The following HIBCH variants were observed in gnomAD, a reference collection of about 807,000 sequenced individuals.
HIBCH encodes 3-hydroxyisobutyryl-CoA hydrolase.
In HIBCH, 50 loss-of-function variants were observed where a neutral mutation model predicts 58.2. That is an observed-to-expected ratio of 0.86 (90% CI 0.68 to 1.09). The LOEUF (loss-of-function observed/expected upper bound fraction) is 1.09, where lower values mean the gene tolerates loss of function less well. Among genes scored for constraint, HIBCH ranks in the 50% least tolerant of loss-of-function variants. The probability of loss-of-function intolerance (pLI) is 0.00; values close to 1 mark genes in which losing one functional copy is unlikely to be tolerated. For missense variants in HIBCH, 450 were observed against 449.7 expected (o/e 1.00, Z -0.01); for synonymous variants, 151 against 146.9 (o/e 1.03, Z -0.20).
At chr2:190,285,804 G>A (rs1037246047) in intron 6 of HIBCH, among the ~76,000 whole-genome samples, 16 of 152,140 alleles carry the variant, frequency 1.1e-4, no homozygotes, top group East Asian at 7.7e-4. Flanking sequence ...ACAGCTGGCC[G>A]TAAAGAAGTT....
intron 6 of HIBCH, chr2:190,280,166 A>T (rs2582736): frequency 0.53 from 80,467 of 152,088 alleles, 22,194 homozygotes; most frequent in South Asian, 0.61. Context: ...GAAAGGAGTA[A>T]CAGGCCTCAA....
At chr2:190,233,065 T>G (rs566396424) in intron 11 of HIBCH, among the ~76,000 whole-genome samples, 1 of 152,186 alleles carries the variant, frequency 6.6e-6, no homozygotes, top group Admixed American at 6.5e-5. Context: ...TTGGGGACCC[T>G]TGACACAGAG....
chr2:190,218,100 A>G (rs556290119), intron 11 of HIBCH, among the ~76,000 whole-genome samples: 172 of 151,936 alleles, frequency 1.1e-3, no homozygotes, highest in Non-Finnish European at 1.8e-3. Context: ...CACCCCCCAA[A>G]CTATAAAATT....
At chr2:190,225,211 T>A (rs1371231289) in intron 11 of HIBCH, among the ~76,000 whole-genome samples, 1 of 152,040 alleles carries the variant, frequency 6.6e-6, no homozygotes, top group African/African-American at 2.4e-5. Context: ...TTAAAAGAAC[T>A]AGAGAAGCAA....
chr2:190,264,024 TG>T (rs1687164462), intron 6 of HIBCH, among the ~76,000 whole-genome samples: 1 of 152,220 alleles, frequency 6.6e-6, no homozygotes, highest in Non-Finnish European at 1.5e-5. Flanking sequence ...CCCAGGCTGG[TG>T]TATCTTGCTT....
At chr2:190,284,497 AAT>A (rs552789819) in intron 6 of HIBCH, among the ~76,000 whole-genome samples, 1 of 152,204 alleles carries the variant, frequency 6.6e-6, no homozygotes, top group Non-Finnish European at 1.5e-5. Context: ...AACTAGACCA[AAT>A]AGTTACTGAA....
At chr2:190,193,311 T>A (rs915354236) in intron 1 of HIBCH, among the ~76,000 whole-genome samples, 5 of 152,284 alleles carry the variant, frequency 3.3e-5, no homozygotes, top group Admixed American at 3.3e-4. Context: ...TCATCATGTT[T>A]TATCCATTTT....
chr2:190,252,100 T>C, intron 8 of HIBCH, 62 bp downstream of exon 8: 1 of 1,507,768 alleles, frequency 6.6e-7, no homozygotes, highest in Non-Finnish European at 9.2e-7. Context: ...CATTGTACCT[T>C]CCCATGCACT....
chr2:190,219,857 TG>T (rs2105908528), intron 11 of HIBCH, among the ~76,000 whole-genome samples: 1 of 152,258 alleles, frequency 6.6e-6, no homozygotes, highest in East Asian at 1.9e-4. Context: ...GTCCATTCTG[TG>T]GGTTTGGATG....
chr2:190,266,031 A>G (rs918825917), intron 6 of HIBCH, among the ~76,000 whole-genome samples: 3 of 151,754 alleles, frequency 2.0e-5, no homozygotes, highest in Non-Finnish European at 2.9e-5. Flanking sequence ...GTGATGTCAT[A>G]TAAGGTTACT....
At chr2:190,219,312 G>A (rs1414182839) in intron 11 of HIBCH, among the ~76,000 whole-genome samples, 1 of 152,054 alleles carries the variant, frequency 6.6e-6, no homozygotes, top group Non-Finnish European at 1.5e-5. Context: ...GAGAATTGAA[G>A]GAAATAACGT....
At chr2:190,277,795 A>AG (rs1383810813) in intron 6 of HIBCH, among the ~76,000 whole-genome samples, 20 of 152,210 alleles carry the variant, frequency 1.3e-4, no homozygotes, top group African/African-American at 4.8e-4. Flanking sequence ...GCCTTGCGGT[A>AG]GCCAATCAGG....
At position 190,241,600 on chromosome 2, in the gene HIBCH, C is replaced by A. The variant is rs201697912; in HGVS notation, c.891+3287G>T. ...TGGTATGTTTTTGCAGTGGCTGGTA[C>A]CAGTCTTTCCTTTCCATATTTAGTG... is the stretch of plus-strand genomic sequence containing the variant. On this transcript the variant is annotated intron_variant, in intron 11 of 13. Transcript: ENST00000359678. 9.2e-5 allele frequency among the ~76,000 whole-genome samples: 14 copies of A among 152,290 alleles called. No individual in the cohort carries two copies. In the East Asian group the frequency reaches 2.5e-3, roughly 27 times the overall value.
intron 6 of HIBCH, among the ~76,000 whole-genome samples, chr2:190,277,431 T>C (rs1018155578): frequency 1.3e-5 from 2 of 152,230 alleles, no homozygotes; most frequent in African/African-American, 4.8e-5. Flanking sequence ...TCTTTTGGAC[T>C]GTACAAATTC....
In HIBCH at chr2:190,236,535, AAACAAG is replaced by A. The variant is rs1559026322; in HGVS notation, c.891+8346_891+8351del. On this transcript the variant is annotated intron_variant, in intron 11 of 13. Coordinates refer to ENST00000359678, the MANE Select transcript of HIBCH (RefSeq NM_014362.4). The surrounding 1 kb of genome is among the most constrained non-coding windows in gnomAD (Gnocchi z 4.1). ...AACCAATACAAATACAAAATATTTA[AAACAAG>A]AACAAGTCAATGTCTATTTCATTGA... 1.3e-5 allele frequency among the ~76,000 whole-genome samples: 2 copies of A among 152,236 alleles called. No individual in the cohort carries two copies. The highest frequency in any genetic ancestry group is 2.9e-5 in the Non-Finnish European group (2 of 68,036).
rs1686292386 is a variant in HIBCH at position 190,236,966 on chromosome 2, T to TGCTTTA, written c.891+7920_891+7921insTAAAGC. Among the ~76,000 whole-genome samples the TGCTTTA allele has an allele frequency of 6.6e-6, 1 of 152,210 alleles. No homozygotes were observed. Among genetic ancestry groups the TGCTTTA allele is most frequent in the South Asian group, 2.1e-4 (1 of 4,834 alleles). ...CATACTCTTTCCCCAAAGCACAATGTATCCATCAACACTGGCATTAAATTG... is the reference window on the plus strand; with the variant it reads ...CATACTCTTTCCCCAAAGCACAATGTGCTTTAATCCATCAACACTGGCATTAAATTG... On this transcript the variant is annotated intron_variant, in intron 11 of 13. Coordinates refer to ENST00000359678, the MANE Select transcript of HIBCH (RefSeq NM_014362.4). This position sits in a 1 kb window ranked among gnomAD's most constrained non-coding sequence, Gnocchi z 4.1.
chr2:190,302,454 G>T (rs1385632640), intron 2 of HIBCH, among the ~76,000 whole-genome samples: 2 of 152,180 alleles, frequency 1.3e-5, no homozygotes, highest in African/African-American at 4.8e-5. Context: ...GGCCCACTGT[G>T]TGCAGCCTCC....
intron 1 of HIBCH, among the ~76,000 whole-genome samples, chr2:190,312,010 A>G (rs536211080): frequency 4.6e-5 from 7 of 152,322 alleles, no homozygotes; most frequent in Admixed American, 1.3e-4. Flanking sequence ...CTCTATCCCA[A>G]TGCTGATTAC....
chr2:190,248,865 C>CA lies in HIBCH; in HGVS notation c.750+774dup, dbSNP rs113265048. On this transcript the variant is annotated intron_variant, in intron 9 of 13. Transcript: ENST00000359678. The stretch of plus-strand genomic sequence containing the variant: ...GACAGAGCGAGACTCTGCTTCAAAA[C>CA]AAAAAAAAAAAACAAAAAAAAAACT... 4.8e-3 allele frequency among the ~76,000 whole-genome samples: 611 copies of CA among 127,280 alleles called. 2 individuals are homozygous for CA. Among genetic ancestry groups the CA allele is most frequent in the African/African-American group, 0.01 (362 of 36,078 alleles). 83.5% of individuals were successfully genotyped at this position (127,280 alleles called of 152,430 possible). A position where few individuals can be genotyped will look rare whatever the true frequency, so the allele number is the denominator to read the frequency against.
Sources: allele counts gnomAD v4.1 joint callset (sites outside exome capture counted in the v4.1 genomes callset), GRCh38; gene constraint gnomAD v4.1.1; non-coding constraint Gnocchi (gnomAD v3.1); transcripts MANE v1.5; gene names NCBI Gene and HGNC (gene_info 2026-07-23, HGNC 2026-07-21).